Variants in LRRC8D observed in about 807,000 individuals in gnomAD.
LRRC8D encodes volume-regulated anion channel subunit LRRC8D.
A neutral mutation model predicts 55.8 loss-of-function variants in LRRC8D; 20 were observed. The ratio of observed to expected loss-of-function variants is 0.36; its 90% CI spans 0.25 to 0.52. The LOEUF (loss-of-function observed/expected upper bound fraction) is 0.52. Among genes scored for constraint, LRRC8D ranks in the 20% least tolerant of loss-of-function variants. The pLI is 0.93. For missense variants in LRRC8D, 651 were observed against 1,030.8 expected (o/e 0.63, Z 5.05); for synonymous variants, 352 against 377.0 (o/e 0.93, Z 0.77).
chr1:89,885,061 A>T (rs1662383867), intron 2 of LRRC8D, among the ~76,000 whole-genome samples: 1 of 152,194 alleles, frequency 6.6e-6, no homozygotes, highest in South Asian at 2.1e-4. Context: ...CCATGGTATG[A>T]CTATACATTC....
At chr1:89,924,829 C>T (rs144323948) in intron 2 of LRRC8D, among the ~76,000 whole-genome samples, 73 of 152,178 alleles carry the variant, frequency 4.8e-4, no homozygotes, top group Admixed American at 8.5e-4. Flanking sequence ...AAACCAAATA[C>T]CACATGTTCT....
At chr1:89,860,079 G>C (rs1325171877) in intron 2 of LRRC8D, among the ~76,000 whole-genome samples, 1 of 152,222 alleles carries the variant, frequency 6.6e-6, no homozygotes, top group African/African-American at 2.4e-5. Context: ...CTAAAAGCCA[G>C]ATAGTTTGTT....
intron 2 of LRRC8D, among the ~76,000 whole-genome samples, chr1:89,865,020 C>T (rs978603571): frequency 6.6e-6 from 1 of 152,142 alleles, no homozygotes; most frequent in African/African-American, 2.4e-5. Context: ...GGTCCCCTTG[C>T]TGTTTCCATA....
At chr1:89,841,773 C>T (rs1156294192) in intron 1 of LRRC8D, among the ~76,000 whole-genome samples, 4 of 152,116 alleles carry the variant, frequency 2.6e-5, no homozygotes, top group Admixed American at 1.3e-4. Context: ...AGCCAGTATC[C>T]TCTGCCCGAG....
At chr1:89,875,175 A>G (rs1662117324) in intron 2 of LRRC8D, among the ~76,000 whole-genome samples, 1 of 152,244 alleles carries the variant, frequency 6.6e-6, no homozygotes, top group African/African-American at 2.4e-5. Context: ...GATTGAAAAT[A>G]CAAATGCCTT....
At chr1:89,829,460 T>C (rs929069346) in intron 1 of LRRC8D, among the ~76,000 whole-genome samples, 8 of 152,230 alleles carry the variant, frequency 5.3e-5, no homozygotes, top group Non-Finnish European at 1.0e-4. Context: ...ACCAGACTCA[T>C]TTTATACCAG....
intron 2 of LRRC8D, among the ~76,000 whole-genome samples, chr1:89,879,086 G>A (rs1220641648): frequency 6.6e-6 from 1 of 151,900 alleles, no homozygotes; most frequent in East Asian, 1.9e-4. Flanking sequence ...GCACCCCCCT[G>A]CTCTGTATCT....
chr1:89,929,782 A>T lies in LRRC8D; in HGVS notation c.-2-3285A>T, dbSNP rs576547337. On this transcript the variant is annotated intron_variant, in intron 2 of 2. Transcript: ENST00000337338. ...AACCAAATTCCCAACATCATTACTG[A>T]ATATCAGTCCTTTCCCCTACTTCAG... 2.6e-5 allele frequency: 4 copies of T among 152,360 alleles called. No homozygotes were observed. The East Asian group carries it at 7.7e-4, about 29-fold the overall frequency. 9.4% of individuals were successfully genotyped at this position (152,360 alleles called of 1,614,324 possible).
chr1:89,921,382 A>G, intron 2 of LRRC8D, among the ~76,000 whole-genome samples: 1 of 152,194 alleles, frequency 6.6e-6, no homozygotes, highest in East Asian at 1.9e-4. Flanking sequence ...ATTGAGTGTT[A>G]TATTGATTAC....
chr1:89,839,508 C>T lies in LRRC8D; in HGVS notation c.-147-4130C>T, dbSNP rs1360607762. ...CATATTTTTTTTTAAACATGATTTG[C>T]GACCCCTTGCTGCATTTTGTCATGT... On this transcript the variant is annotated intron_variant, in intron 1 of 2. Transcript: ENST00000337338. Among the ~76,000 whole-genome samples the T allele has an allele frequency of 2.6e-5, 4 of 152,084 alleles. No individual in the cohort carries two copies. The East Asian group carries it at 5.8e-4, about 22-fold the overall frequency.
chr1:89,906,510 C>G (rs1415261678), intron 2 of LRRC8D, among the ~76,000 whole-genome samples: 1 of 152,224 alleles, frequency 6.6e-6, no homozygotes, highest in Non-Finnish European at 1.5e-5. Context: ...TGTTCCCTTT[C>G]TAAAGAACAA....
At chr1:89,848,040 A>G (rs1430336647) in intron 2 of LRRC8D, among the ~76,000 whole-genome samples, 2 of 152,214 alleles carry the variant, frequency 1.3e-5, no homozygotes, top group Non-Finnish European at 2.9e-5. Context: ...GTTAGCCATC[A>G]GATTATAAAG....
chr1:89,933,137 G>A lies in LRRC8D; in HGVS notation c.69G>A (p.Trp23Ter). The stretch of plus-strand genomic sequence containing the variant: ...CAACTTACCGAATCCTGAAACCATG[G>A]TGGGATGTGTTTATGGATTACCTAG... ...IQPTYRILKP[W>*]WDVFMDYLAV... Residue 23 changes from tryptophan to a stop codon, truncating the protein, a stop_gained, in exon 3 of 3, where the codon TGG (tryptophan) becomes TGA (stop). Coordinates refer to ENST00000337338, the MANE Select transcript of LRRC8D (RefSeq NM_001134479.2). LOFTEE classifies it high-confidence loss of function. The surrounding 1 kb of genome is among the most constrained non-coding windows in gnomAD (Gnocchi z 7.0). 1 of 1,614,018 alleles carries A rather than the reference G, an allele frequency of 6.2e-7. No individual in the cohort carries two copies. Among genetic ancestry groups the A allele is most frequent in the Non-Finnish European group, 8.5e-7 (1 of 1,179,882 alleles).
At position 89,844,861 on chromosome 1, in the gene LRRC8D, C is replaced by T. The variant is rs185252833; in HGVS notation, c.-3+1079C>T. ...GGGGAGTGGGATGGCTGAGAATAAT[C>T]AGTTTGATGGGATCATTATATGGCC... On this transcript the variant is annotated intron_variant, in intron 2 of 2. Transcript: ENST00000337338. Among the ~76,000 whole-genome samples, 6 of 152,258 alleles carry T rather than the reference C, an allele frequency of 3.9e-5. No individual in the cohort carries two copies. In the East Asian group the frequency reaches 1.2e-3, roughly 29 times the overall value.
At chr1:89,868,704 G>T (rs1482402345) in intron 2 of LRRC8D, among the ~76,000 whole-genome samples, 1 of 152,154 alleles carries the variant, frequency 6.6e-6, no homozygotes, top group Non-Finnish European at 1.5e-5. Context: ...AGGAAATTTA[G>T]GTTCAGCAAG....
At chr1:89,926,591 G>A (rs539915083) in intron 2 of LRRC8D, among the ~76,000 whole-genome samples, 7 of 152,356 alleles carry the variant, frequency 4.6e-5, no homozygotes, top group African/African-American at 1.4e-4. Flanking sequence ...TGGATGATGC[G>A]TGGTAGAGAA....
At chr1:89,871,929 C>G (rs536684205) in intron 2 of LRRC8D, among the ~76,000 whole-genome samples, 1 of 152,148 alleles carries the variant, frequency 6.6e-6, no homozygotes, top group South Asian at 2.1e-4. Flanking sequence ...TCGTATTTGT[C>G]CACTTTTACT....
chr1:89,920,916 T>G (rs975761158), intron 2 of LRRC8D, among the ~76,000 whole-genome samples: 6 of 152,188 alleles, frequency 3.9e-5, no homozygotes, highest in Non-Finnish European at 8.8e-5. Flanking sequence ...TTTGTTCTCA[T>G]TTGATTTATT....
At chr1:89,913,161 A>G (rs536627179) in intron 2 of LRRC8D, among the ~76,000 whole-genome samples, 1 of 152,350 alleles carries the variant, frequency 6.6e-6, no homozygotes, top group South Asian at 2.1e-4. Context: ...GAAGGTTACC[A>G]GGAAATTAGT....
Sources: allele counts gnomAD v4.1 joint callset (sites outside exome capture counted in the v4.1 genomes callset), GRCh38; gene constraint gnomAD v4.1.1; non-coding constraint Gnocchi (gnomAD v3.1); transcripts MANE v1.5; gene names NCBI Gene and HGNC (gene_info 2026-07-23, HGNC 2026-07-21).